Variants in WDR43 observed in about 807,000 individuals in gnomAD.
WDR43 encodes the protein WD repeat domain 43.
A neutral mutation model predicts 91.4 loss-of-function variants in WDR43; 13 were observed. The observed-to-expected ratio is 0.14, with a 90% CI of 0.09 to 0.23. The LOEUF (loss-of-function observed/expected upper bound fraction) is 0.23. Ranked by LOEUF, WDR43 falls within the 10% of genes least tolerant of loss-of-function variation. WDR43 has a pLI of 1.00. For synonymous variants in WDR43, 331 were observed against 287.9 expected, an observed-to-expected ratio of 1.15 and a Z score of -1.51; for missense variants, 780 against 809.4, an observed-to-expected ratio of 0.96 and a Z score of 0.44.
intron 6 of WDR43, among the ~76,000 whole-genome samples, chr2:28,920,218 TTC>T (rs1349235621): frequency 9.4e-6 from 1 of 106,244 alleles, no homozygotes; most frequent in Non-Finnish European, 2.2e-5. Context: ...TAAATTTTTT[TTC>T]TTTCTTTTTT....
chr2:28,897,503 A>G (rs1349886167), intron 1 of WDR43, among the ~76,000 whole-genome samples: 1 of 152,232 alleles, frequency 6.6e-6, no homozygotes, highest in Non-Finnish European at 1.5e-5. Flanking sequence ...TCAGGATCAA[A>G]TTAGGCAATG....
intron 6 of WDR43, among the ~76,000 whole-genome samples, chr2:28,919,867 CAG>C (rs1337737354): frequency 1.6e-4 from 24 of 151,886 alleles, no homozygotes; most frequent in Non-Finnish European, 7.4e-5. Context: ...TTTTTGGAGA[CAG>C]AGTCTCTGTC....
chr2:28,944,203 T>C (rs1194563311), intron 16 of WDR43, among the ~76,000 whole-genome samples: 4 of 152,244 alleles, frequency 2.6e-5, no homozygotes, highest in Admixed American at 6.5e-5. Context: ...TTCTACTTAG[T>C]AGAATTTGTT....
rs372147169 is a variant in WDR43, at chr2:28,943,648, G to A, written c.1804+1267G>A. Among the ~76,000 whole-genome samples the A allele has an allele frequency of 8.7e-4, 133 of 152,266 alleles. 2 individuals are homozygous for A. The highest frequency in any genetic ancestry group is 3.7e-3 in the Admixed American group (56 of 15,294). ...GGCAATAGCTACCCCTGAAAAACCC[G>A]TAGTTCTGTGGACTCTTGGTGTGTT... On this transcript the variant is annotated intron_variant, in intron 16 of 17. Transcript: ENST00000407426.
intron 10 of WDR43, 156 bp downstream of exon 10, chr2:28,927,856 A>C: frequency 6.7e-6 from 7 of 1,047,778 alleles, no homozygotes; most frequent in Non-Finnish European, 8.0e-6. Flanking sequence ...CATAGATTTC[A>C]TAATTCTAGA....
intron 3 of WDR43, among the ~76,000 whole-genome samples, chr2:28,908,305 TAGA>T (rs1203961489): frequency 6.6e-6 from 1 of 152,184 alleles, no homozygotes; most frequent in Non-Finnish European, 1.5e-5. Flanking sequence ...AGGGTGGTGC[TAGA>T]GGCTTAGATT....
intron 11 of WDR43, among the ~76,000 whole-genome samples, 152 bp from the exon 12 acceptor site, chr2:28,935,367 TCC>T: frequency 6.6e-6 from 1 of 152,306 alleles, no homozygotes; most frequent in Non-Finnish European, 1.5e-5. Context: ...CTCCATTCAG[TCC>T]CTCCAACCTT....
chr2:28,941,011 GC>G lies in WDR43; in HGVS notation c.1621-449del, dbSNP rs149040301. On this transcript the variant is annotated intron_variant, in intron 14 of 17. Transcript: ENST00000407426. ...TACTTTGTTCTACTGGTCTCTGGGA[GC>G]TGGGAAAAGGCTTCTCTGCCTCTTT... Among the ~76,000 whole-genome samples, 798 of 152,334 alleles carry G rather than the reference GC, an allele frequency of 5.2e-3. 6 individuals carry two copies. The highest frequency in any genetic ancestry group is 0.018 in the African/African-American group (756 of 41,570).
At chr2:28,942,180 A>G (rs770356373) in intron 15 of WDR43, 132 bp from the exon 16 acceptor site, 4 of 776,410 alleles carry the variant, frequency 5.2e-6, no homozygotes, top group Non-Finnish European at 8.6e-6. Flanking sequence ...TCTGTATTGT[A>G]TGAAGGTCCT....
At chr2:28,939,582 G>A (rs532085633) in intron 14 of WDR43, among the ~76,000 whole-genome samples, 1 of 152,232 alleles carries the variant, frequency 6.6e-6, no homozygotes, top group East Asian at 1.9e-4. Flanking sequence ...GTAAGCCAAG[G>A]GCTATGCCAG....
In WDR43 at chr2:28,947,649, T is replaced by G. The variant is rs760702152; in HGVS notation, c.*870T>G. ...ACAATTGTTTATTTTTTCTCTTTGGTTTTAGATATTAATGATAACCTTGTT... is the reference window on the plus strand; with the variant it reads ...ACAATTGTTTATTTTTTCTCTTTGGGTTTAGATATTAATGATAACCTTGTT... On this transcript the variant is annotated 3_prime_UTR_variant, in exon 18 of 18. Coordinates refer to ENST00000407426, the MANE Select transcript of WDR43 (RefSeq NM_015131.3). The G allele has an allele frequency of 2.6e-5, 4 of 151,988 alleles. No individual in the cohort carries two copies. Among genetic ancestry groups the G allele is most frequent in the Non-Finnish European group, 4.4e-5 (3 of 67,990 alleles). 9.4% of individuals were successfully genotyped at this position (151,988 alleles called of 1,614,324 possible).
At chr2:28,934,642 C>A (rs1295773869) in intron 11 of WDR43, among the ~76,000 whole-genome samples, 1 of 152,050 alleles carries the variant, frequency 6.6e-6, no homozygotes, top group Non-Finnish European at 1.5e-5. Flanking sequence ...TTACTGAGAC[C>A]AGGAGGTCAA....
chr2:28,908,173 G>A (rs576096692), intron 3 of WDR43, among the ~76,000 whole-genome samples: 2 of 152,080 alleles, frequency 1.3e-5, no homozygotes, highest in Admixed American at 1.3e-4. Flanking sequence ...GAGGGAGGAG[G>A]TACTAGGGGG....
At chr2:28,937,555 T>A (rs6734079) in intron 13 of WDR43, among the ~76,000 whole-genome samples, 39,080 of 152,106 alleles carry the variant, frequency 0.26, 6,256 homozygotes, top group East Asian at 0.77. Context: ...ACTTTGCTAT[T>A]CTTGACAGAT....
intron 14 of WDR43, among the ~76,000 whole-genome samples, chr2:28,939,533 A>G (rs143279839): frequency 1.4e-4 from 22 of 152,136 alleles, no homozygotes; most frequent in Non-Finnish European, 2.5e-4. Context: ...CTTTTCCTTC[A>G]TTTCTTCCTT....
At chr2:28,944,089 C>T (rs984880070) in intron 16 of WDR43, among the ~76,000 whole-genome samples, 3 of 152,126 alleles carry the variant, frequency 2.0e-5, no homozygotes, top group African/African-American at 4.8e-5. Context: ...GCTTTTCAAT[C>T]GGTCATCTGT....
chr2:28,906,968 G>T (rs1670693421), intron 3 of WDR43, among the ~76,000 whole-genome samples: 1 of 152,082 alleles, frequency 6.6e-6, no homozygotes, highest in African/African-American at 2.4e-5. Flanking sequence ...AAGAACAAAT[G>T]GAGGGAGACA....
chr2:28,918,194 G>T (rs1670952881), intron 6 of WDR43, among the ~76,000 whole-genome samples, 199 bp downstream of exon 6: 1 of 152,110 alleles, frequency 6.6e-6, no homozygotes. Flanking sequence ...AGTTTGTACA[G>T]GACGGTAGTA....
Position 28,903,688 on chromosome 2 carries a change from A to G in WDR43, c.363+1564A>G, listed in dbSNP as rs182367690. ...GAGTGTGGTCCTCAGGTGAGCTCTT[A>G]CACCTACTATAGGTAGGAGCCTATC... is the stretch of plus-strand genomic sequence containing the variant. On this transcript the variant is annotated intron_variant, in intron 2 of 17. Transcript: ENST00000407426. Among the ~76,000 whole-genome samples, 202 of 152,244 alleles carry G rather than the reference A, an allele frequency of 1.3e-3. 1 individual carries two copies. The highest frequency in any genetic ancestry group is 2.4e-3 in the Non-Finnish European group (160 of 67,988).
Sources: allele counts gnomAD v4.1 joint callset (sites outside exome capture counted in the v4.1 genomes callset), GRCh38; gene constraint gnomAD v4.1.1; transcripts MANE v1.5; gene names NCBI Gene and HGNC (gene_info 2026-07-23, HGNC 2026-07-21).